Variants in AGPAT4 observed in about 807,000 individuals in gnomAD.
AGPAT4 encodes the protein 1-acylglycerol-3-phosphate O-acyltransferase 4.
Under a neutral mutation model 48.0 loss-of-function variants are expected in AGPAT4, and 15 were observed. The ratio of observed to expected loss-of-function variants is 0.31; its 90% confidence interval spans 0.21 to 0.48. The LOEUF (loss-of-function observed/expected upper bound fraction) is 0.48. AGPAT4 is among the 20% of genes least tolerant of loss of function. AGPAT4 has a pLI of 0.99. For missense variants in AGPAT4, 314 were observed against 482.5 expected (o/e 0.65, Z 3.27); for synonymous variants, 178 against 198.7 (o/e 0.90, Z 0.88).
chr6:161,211,204 G>C (rs1352301063), intron 2 of AGPAT4, among the ~76,000 whole-genome samples: 1 of 152,034 alleles, frequency 6.6e-6, no homozygotes, highest in Non-Finnish European at 1.5e-5. Flanking sequence ...AAATGTTATA[G>C]GATAAATACT....
At chr6:161,194,006 G>A (rs541751217) in intron 2 of AGPAT4, among the ~76,000 whole-genome samples, 12 of 152,254 alleles carry the variant, frequency 7.9e-5, no homozygotes, top group Admixed American at 2.6e-4. Flanking sequence ...AAGGTTACAC[G>A]CAATCACTGT....
At position 161,212,069 on chromosome 6, in the gene AGPAT4, T is replaced by C. The variant is rs1426988356; in HGVS notation, c.178+19967A>G. The stretch of plus-strand genomic sequence containing the variant: ...GGCACACTGATGCAAGACTAGCATA[T>C]GGGCCCCTGTGTCAAATTAACAAAG... On this transcript the variant is annotated intron_variant, in intron 2 of 8. Transcript: ENST00000320285. The surrounding 1 kb of genome is among the most constrained non-coding windows in gnomAD (Gnocchi z 6.1). Among the ~76,000 whole-genome samples, 6 of 152,214 alleles carry C rather than the reference T, an allele frequency of 3.9e-5. No individual in the cohort carries two copies. The highest frequency in any genetic ancestry group is 1.3e-4 in the Admixed American group (2 of 15,284).
rs1342960457 is a variant in AGPAT4 at position 161,267,426 on chromosome 6, G to C, written c.-90+6512C>G. Reference sequence around the variant, plus strand: ...TTTGTTCATTATTTGAAAAATATTAGCTGGGGAACGGGCGCAGTGGCTCAC... The same window carrying C: ...TTTGTTCATTATTTGAAAAATATTACCTGGGGAACGGGCGCAGTGGCTCAC... On this transcript the variant is annotated intron_variant, in intron 1 of 8. Transcript: ENST00000320285. This position sits in a 1 kb window ranked among gnomAD's most constrained non-coding sequence, Gnocchi z 5.2. Among the ~76,000 whole-genome samples the C allele has an allele frequency of 6.6e-6, 1 of 152,122 alleles. No homozygotes were observed. Among genetic ancestry groups the C allele is most frequent in the Non-Finnish European group, 1.5e-5 (1 of 68,032 alleles).
At chr6:161,268,476 A>C (rs995297818) in intron 1 of AGPAT4, among the ~76,000 whole-genome samples, 1 of 152,144 alleles carries the variant, frequency 6.6e-6, no homozygotes, top group Admixed American at 6.5e-5. Context: ...ACTCTCCAAC[A>C]GGCCCTGGTG....
chr6:161,164,494 G>A lies in AGPAT4; in HGVS notation c.348+1754C>T, dbSNP rs1460863760. 4.6e-5 allele frequency among the ~76,000 whole-genome samples: 7 copies of A among 152,210 alleles called. No homozygotes were observed. The highest frequency in any genetic ancestry group is 1.0e-4 in the Non-Finnish European group (7 of 68,038). ...ACTGCAGCTGGTCTGGGTCGTTTTA[G>A]GATGGTCAGGGTCCTGTTTCTGGAG... On this transcript the variant is annotated intron_variant, in intron 3 of 8. Coordinates refer to ENST00000320285, the MANE Select transcript of AGPAT4 (RefSeq NM_020133.3). The surrounding 1 kb of genome is among the most constrained non-coding windows in gnomAD (Gnocchi z 7.4).
At position 161,235,942 on chromosome 6, in the gene AGPAT4, C is replaced by T. The variant is rs1782262854; in HGVS notation, c.-89-3640G>A. On this transcript the variant is annotated intron_variant, in intron 1 of 8. Coordinates refer to ENST00000320285, the MANE Select transcript of AGPAT4 (RefSeq NM_020133.3). This position sits in a 1 kb window ranked among gnomAD's most constrained non-coding sequence, Gnocchi z 6.2. ...ATACAAACCATATCAGCTTCTTTCCCATCTTGAATAAAACAGCACTTTCTC... is the reference window on the plus strand; with the variant it reads ...ATACAAACCATATCAGCTTCTTTCCTATCTTGAATAAAACAGCACTTTCTC... Among the ~76,000 whole-genome samples, 1 of 152,190 alleles carries T rather than the reference C, an allele frequency of 6.6e-6. No individual in the cohort carries two copies. Among genetic ancestry groups the T allele is most frequent in the Non-Finnish European group, 1.5e-5 (1 of 68,032 alleles).
In AGPAT4 at chr6:161,164,813, C is replaced by T. The variant is rs902338610; in HGVS notation, c.348+1435G>A. Among the ~76,000 whole-genome samples the T allele has an allele frequency of 6.6e-6, 1 of 152,214 alleles. No individual in the cohort carries two copies. The highest frequency in any genetic ancestry group is 2.4e-5 in the African/African-American group (1 of 41,452). The stretch of plus-strand genomic sequence containing the variant: ...TGGGCCTTCTGCTCTACCTCAGAGA[C>T]TCCTGGTCCACGAATTATGAATGTT... On this transcript the variant is annotated intron_variant, in intron 3 of 8. Transcript: ENST00000320285. The surrounding 1 kb of genome is among the most constrained non-coding windows in gnomAD (Gnocchi z 7.4).
chr6:161,170,214 C>T (rs184026477), intron 2 of AGPAT4, among the ~76,000 whole-genome samples: 3 of 152,252 alleles, frequency 2.0e-5, no homozygotes, highest in African/African-American at 7.2e-5. Context: ...ACTGCAAGCT[C>T]CAGCATCACA....
chr6:161,175,626 C>A (rs1780407778), intron 2 of AGPAT4, among the ~76,000 whole-genome samples: 1 of 152,054 alleles, frequency 6.6e-6, no homozygotes, highest in African/African-American at 2.4e-5. Context: ...TTTTTTGTGT[C>A]TCTATCTCCT....
At chr6:161,172,612 T>A (rs1055328866) in intron 2 of AGPAT4, among the ~76,000 whole-genome samples, 2 of 152,014 alleles carry the variant, frequency 1.3e-5, no homozygotes, top group Non-Finnish European at 2.9e-5. Flanking sequence ...CATATGGCAA[T>A]TTTTGAAACT....
At chr6:161,168,133 G>A in intron 2 of AGPAT4, among the ~76,000 whole-genome samples, 1 of 152,014 alleles carries the variant, frequency 6.6e-6, no homozygotes, top group Middle Eastern at 3.4e-3. Flanking sequence ...GTGGTGGGGT[G>A]GGGGGCTAGG....
rs1783179423 is a variant in AGPAT4 at position 161,264,108 on chromosome 6, T to C, written c.-90+9830A>G. Among the ~76,000 whole-genome samples, 2 of 152,278 alleles carry C rather than the reference T, an allele frequency of 1.3e-5. No homozygotes were observed. Among genetic ancestry groups the C allele is most frequent in the Admixed American group, 1.3e-4 (2 of 15,304 alleles). ...TGCGTAACACATGTTGATTACAAAG[T>C]ACATAAATGATCACCTTATAAGGTG... On this transcript the variant is annotated intron_variant, in intron 1 of 8. Transcript: ENST00000320285. This position sits in a 1 kb window ranked among gnomAD's most constrained non-coding sequence, Gnocchi z 6.8.
In AGPAT4 at chr6:161,144,056, TG is replaced by T. The variant is rs1389012686; in HGVS notation, c.843+2467del. The stretch of plus-strand genomic sequence containing the variant: ...ACAAACTGGGTCGGGCACCCAGATT[TG>T]GGGCACGTAAAGCTTTAGATCTAGG... On this transcript the variant is annotated intron_variant, in intron 7 of 8. Coordinates refer to ENST00000320285, the MANE Select transcript of AGPAT4 (RefSeq NM_020133.3). The surrounding 1 kb of genome is among the most constrained non-coding windows in gnomAD (Gnocchi z 6.6). The T allele has an allele frequency of 4.1e-6, 2 of 487,536 alleles. No individual in the cohort carries two copies. Among genetic ancestry groups the T allele is most frequent in the Non-Finnish European group, 8.5e-6 (2 of 235,396 alleles). The allele number at this position is 487,536 out of a possible 1,614,324, so 30.2% of individuals were successfully genotyped here.
chr6:161,183,239 C>T (rs1331944114), intron 2 of AGPAT4, among the ~76,000 whole-genome samples: 1 of 152,082 alleles, frequency 6.6e-6, no homozygotes, highest in Non-Finnish European at 1.5e-5. Context: ...ACACCCAGGG[C>T]TGCACAGGAG....
Position 161,222,334 on chromosome 6 carries a change from A to G in AGPAT4, c.178+9702T>C, listed in dbSNP as rs1469997681. On this transcript the variant is annotated intron_variant, in intron 2 of 8. Transcript: ENST00000320285. The surrounding 1 kb of genome is among the most constrained non-coding windows in gnomAD (Gnocchi z 5.9). ...GTATTTTTTCCAGTTTATAACATAC[A>G]TGATCATTGTGTAAAATATAAGACA... Among the ~76,000 whole-genome samples the G allele has an allele frequency of 2.0e-5, 3 of 152,216 alleles. No individual in the cohort carries two copies. The highest frequency in any genetic ancestry group is 6.5e-5 in the Admixed American group (1 of 15,282).
intron 2 of AGPAT4, among the ~76,000 whole-genome samples, chr6:161,186,307 G>A (rs1326273167): frequency 1.3e-5 from 2 of 152,130 alleles, no homozygotes; most frequent in African/African-American, 4.8e-5. Context: ...ACTCTGGAAC[G>A]AGGCACAGGC....
intron 2 of AGPAT4, among the ~76,000 whole-genome samples, chr6:161,175,285 T>C (rs1251678973): frequency 6.6e-6 from 1 of 152,208 alleles, no homozygotes; most frequent in Non-Finnish European, 1.5e-5. Context: ...TCCTGGACTT[T>C]TTTTGGTTGG....
intron 1 of AGPAT4, among the ~76,000 whole-genome samples, chr6:161,260,454 G>A (rs1783066728): frequency 6.6e-6 from 1 of 151,952 alleles, no homozygotes; most frequent in African/African-American, 2.4e-5. Context: ...GAGGTCAGAT[G>A]TTTGAGTTCA....
In AGPAT4 at chr6:161,178,757, C is replaced by T. The variant is rs890636013; in HGVS notation, c.179-12340G>A. Among the ~76,000 whole-genome samples the T allele has an allele frequency of 2.0e-5, 3 of 152,246 alleles. No individual in the cohort carries two copies. In the South Asian group the frequency reaches 6.2e-4, roughly 32 times the overall value. On this transcript the variant is annotated intron_variant, in intron 2 of 8. Coordinates refer to ENST00000320285, the MANE Select transcript of AGPAT4 (RefSeq NM_020133.3). The surrounding 1 kb of genome is among the most constrained non-coding windows in gnomAD (Gnocchi z 5.1). ...AGCTGTTCCTATTCGGCCATCTTGC[C>T]ATGGTTGATCACTTTTGTCATATTT...
Sources: allele counts gnomAD v4.1 joint callset (sites outside exome capture counted in the v4.1 genomes callset), GRCh38; gene constraint gnomAD v4.1.1; non-coding constraint Gnocchi (gnomAD v3.1); transcripts MANE v1.5; gene names NCBI Gene and HGNC (gene_info 2026-07-23, HGNC 2026-07-21).